JHY: variants seen among roughly 807,000 people sequenced by gnomAD.
The protein encoded by JHY is jhy protein homolog.
JHY carries 69 observed loss-of-function variants against 78.0 expected under a neutral mutation model. That is an observed-to-expected ratio of 0.88 (90% CI 0.73 to 1.08). The LOEUF is 1.08. JHY is among the 50% of genes least tolerant of loss of function. JHY has a pLI of 0.00. For missense variants in JHY, 944 were observed against 927.8 expected (o/e 1.02, Z -0.23); for synonymous variants, 368 against 342.6 (o/e 1.07, Z -0.82).
rs886113541 is a variant in JHY, at chr11:122,898,240, A to G, written c.345-5685A>G. 6.6e-6 allele frequency among the ~76,000 whole-genome samples: 1 copy of G among 152,150 alleles called. No homozygotes were observed. The highest frequency in any genetic ancestry group is 2.4e-5 in the African/African-American group (1 of 41,444). On this transcript the variant is annotated intron_variant, in intron 2 of 8. Transcript: ENST00000227349. This position sits in a 1 kb window ranked among gnomAD's most constrained non-coding sequence, Gnocchi z 4.4. The stretch of plus-strand genomic sequence containing the variant: ...CTGCCTGTATGTAGGGAGGTGTTCC[A>G]TGCTTATCTGTTGACCGACTGATCC...
At position 122,904,086 on chromosome 11, in the gene JHY, C is replaced by A. The variant is rs564515467; in HGVS notation, c.506C>A (p.Thr169Lys). 6.2e-7 allele frequency: 1 copy of A among 1,614,034 alleles called. No homozygotes were observed. The highest frequency in any genetic ancestry group is 8.5e-7 in the Non-Finnish European group (1 of 1,180,036). The change falls in exon 3 of 9, where the codon ACG becomes AAG. Residue 169 changes from threonine (T) to lysine (K), a missense_variant. Coordinates refer to ENST00000227349, the MANE Select transcript of JHY (RefSeq NM_024806.4). ...GCTCCCCTCTACCCTTCCCAGGAGA[C>A]GTCAATGGAACTCTCCGGGGGAAAA... is the stretch of plus-strand genomic sequence containing the variant. ...PLAPLYPSQETSMELSGGKGE... is the reference protein window; with the variant it reads ...PLAPLYPSQEKSMELSGGKGE...
chr11:122,959,049 C>T, intron 8 of JHY, 199 bp from the exon 9 acceptor site: 1 of 972,574 alleles, frequency 1.0e-6, no homozygotes, highest in Non-Finnish European at 1.2e-6. Context: ...TTTTTTTCCA[C>T]AATATATTGT....
At chr11:122,950,660 T>C (rs1290683071) in intron 6 of JHY, among the ~76,000 whole-genome samples, 1 of 152,226 alleles carries the variant, frequency 6.6e-6, no homozygotes, top group Non-Finnish European at 1.5e-5. Flanking sequence ...AATAATGTAT[T>C]AAAACTACAG....
Position 122,882,901 on chromosome 11 carries a change from G to GGGCGGC in JHY, c.-147_-142dup, listed in dbSNP as rs955093480. On this transcript the variant is annotated 5_prime_UTR_variant, in exon 1 of 9. Transcript: ENST00000227349. ...GCAGCGCCGGGGCGGGCGGGGGCCC[G>GGGCGGC]GGCGGCGGCGGCGGCGGCGCGGGAG... is the stretch of plus-strand genomic sequence containing the variant. 5 of 151,910 alleles carry GGGCGGC rather than the reference G, an allele frequency of 3.3e-5. No individual in the cohort carries two copies. Among genetic ancestry groups the GGGCGGC allele is most frequent in the Admixed American group, 6.6e-5 (1 of 15,146 alleles). The allele number at this position is 151,910 out of a possible 1,614,324, so 9.4% of individuals were successfully genotyped here.
At position 122,927,460 on chromosome 11, in the gene JHY, C is replaced by T. The variant is rs1863531652; in HGVS notation, c.978+2450C>T. Among the ~76,000 whole-genome samples, 2 of 152,158 alleles carry T rather than the reference C, an allele frequency of 1.3e-5. 1 individual carries two copies. Among genetic ancestry groups the T allele is most frequent in the Middle Eastern group, 6.3e-3 (2 of 316 alleles). ...TAGGTGGAAAGGATTTGTGGACTGC[C>T]CACTGCATGCTACACACCAGCCCAG... On this transcript the variant is annotated intron_variant, in intron 4 of 8. Transcript: ENST00000227349.
chr11:122,952,966 A>G (rs1565338805), intron 6 of JHY, among the ~76,000 whole-genome samples: 1 of 152,244 alleles, frequency 6.6e-6, no homozygotes, highest in Non-Finnish European at 1.5e-5. Flanking sequence ...ACCTATTGAA[A>G]ATTGGTAAAG....
In JHY at chr11:122,959,333, A is replaced by T. The variant is rs1425501592; in HGVS notation, c.2225A>T (p.Tyr742Phe). Residue 742 changes from tyrosine (Y) to phenylalanine (F), a missense_variant, in exon 9 of 9, where the codon TAT (tyrosine) becomes TTT (phenylalanine). By Grantham distance (22) the Tyr-to-Phe change is conservative. Transcript: ENST00000227349. ...TCAAAGGAACAAAAAAATCCAACCTATGCTGGGAAAGAAGAAAGTTTACCT... is the reference window on the plus strand; with the variant it reads ...TCAAAGGAACAAAAAAATCCAACCTTTGCTGGGAAAGAAGAAAGTTTACCT... ...QASKEQKNPT[Y>F]AGKEESLPEI... 6.2e-7 allele frequency: 1 copy of T among 1,614,032 alleles called. No individual in the cohort carries two copies.
At chr11:122,952,153 G>T (rs563261108) in intron 6 of JHY, among the ~76,000 whole-genome samples, 6 of 152,220 alleles carry the variant, frequency 3.9e-5, no homozygotes, top group Admixed American at 6.5e-5. Flanking sequence ...GGCGGAGGGG[G>T]CAAAGGGAGT....
At chr11:122,931,563 TC>T (rs1863637593) in intron 4 of JHY, among the ~76,000 whole-genome samples, 1 of 152,186 alleles carries the variant, frequency 6.6e-6, no homozygotes, top group Admixed American at 6.5e-5. Context: ...AATTTGTATC[TC>T]GGGCTTAAAG....
rs1468323934 is a variant in JHY at position 122,904,099 on chromosome 11, C to G, written c.519C>G (p.Leu173=). The stretch of plus-strand genomic sequence containing the variant: ...CTTCCCAGGAGACGTCAATGGAACT[C>G]TCCGGGGGAAAAGGCGAGCAGAAAG... ...LYPSQETSME[L]SGGKGEQKES... is the part of the protein sequence containing the mutation. The change falls in exon 3 of 9, where the codon CTC becomes CTG. Residue 173 remains leucine (L), a synonymous_variant. Coordinates refer to ENST00000227349, the MANE Select transcript of JHY (RefSeq NM_024806.4). 6.2e-7 allele frequency: 1 copy of G among 1,614,160 alleles called. No individual in the cohort carries two copies. The highest frequency in any genetic ancestry group is 1.1e-5 in the South Asian group (1 of 91,078).
chr11:122,899,205 C>T (rs542871439), intron 2 of JHY, among the ~76,000 whole-genome samples: 12 of 152,226 alleles, frequency 7.9e-5, no homozygotes, highest in Non-Finnish European at 1.0e-4. Context: ...CCTGTAGCTT[C>T]GTAAGGGCTC....
chr11:122,927,396 C>T (rs1350892387), intron 4 of JHY, among the ~76,000 whole-genome samples: 1 of 152,176 alleles, frequency 6.6e-6, no homozygotes. Context: ...CCTAAAATGA[C>T]AATAACCACA....
intron 2 of JHY, among the ~76,000 whole-genome samples, chr11:122,891,631 G>C (rs1167624520): frequency 6.6e-6 from 1 of 150,768 alleles, no homozygotes; most frequent in East Asian, 1.9e-4. Flanking sequence ...ATAAGGTCTT[G>C]TTAACAGGAA....
chr11:122,938,772 A>T (rs1863809438), intron 5 of JHY, among the ~76,000 whole-genome samples: 1 of 150,610 alleles, frequency 6.6e-6, no homozygotes, highest in African/African-American at 2.4e-5. Context: ...CTATAGAATG[A>T]TCTTTGGGTG....
intron 2 of JHY, among the ~76,000 whole-genome samples, chr11:122,900,287 T>C (rs1281213445): frequency 1.3e-5 from 2 of 152,162 alleles, no homozygotes; most frequent in East Asian, 3.8e-4. Flanking sequence ...GAAACCTGGG[T>C]CCACATTAAG....
intron 5 of JHY, among the ~76,000 whole-genome samples, chr11:122,937,974 G>T (rs369750392): frequency 6.6e-6 from 1 of 152,056 alleles, no homozygotes; most frequent in East Asian, 1.9e-4. Flanking sequence ...TGAGAAATCT[G>T]AAGCCACCTT....
chr11:122,930,671 C>T (rs770209957), intron 4 of JHY, among the ~76,000 whole-genome samples: 7 of 152,146 alleles, frequency 4.6e-5, no homozygotes, highest in African/African-American at 7.2e-5. Context: ...TAGGCCTTAG[C>T]GTCCTGAATC....
chr11:122,955,927 A>G (rs1385482133), intron 6 of JHY, among the ~76,000 whole-genome samples: 1 of 152,198 alleles, frequency 6.6e-6, no homozygotes, highest in African/African-American at 2.4e-5. Flanking sequence ...CAGGGAAGTC[A>G]TTTGGCCCAG....
chr11:122,886,033 G>C lies in JHY; in HGVS notation c.184G>C (p.Asp62His), dbSNP rs552408072. The C allele has an allele frequency of 5.0e-6, 8 of 1,614,156 alleles. No homozygotes were observed. In the East Asian group the frequency reaches 1.6e-4, roughly 31 times the overall value. Residue 62 changes from aspartate (D) to histidine (H), a missense_variant, in exon 2 of 9, where the codon GAT becomes CAT. By Grantham distance (81) the Asp-to-His change is moderately conservative (BLOSUM62 -1). Coordinates refer to ENST00000227349, the MANE Select transcript of JHY (RefSeq NM_024806.4). ...GATTATGTGCCATTCTGAGTTTGATGATCGAATCCGGGGCAACGGTATGGA... is the reference window on the plus strand; with the variant it reads ...GATTATGTGCCATTCTGAGTTTGATCATCGAATCCGGGGCAACGGTATGGA... ...QEIMCHSEFDDRIRGNGMEPD... is the reference protein window; with the variant it reads ...QEIMCHSEFDHRIRGNGMEPD...
Sources: allele counts gnomAD v4.1 joint callset (sites outside exome capture counted in the v4.1 genomes callset), GRCh38; gene constraint gnomAD v4.1.1; non-coding constraint Gnocchi (gnomAD v3.1); transcripts MANE v1.5; gene names NCBI Gene and HGNC (gene_info 2026-07-23, HGNC 2026-07-21).